Variants in CDH18 observed in about 807,000 individuals in gnomAD.
CDH18 encodes the protein cadherin 18.
In CDH18, 31 loss-of-function variants were observed where a neutral mutation model predicts 67.9. The ratio of observed to expected loss-of-function variants is 0.46; its 90% CI spans 0.34 to 0.62. The LOEUF is 0.62. Among genes scored for constraint, CDH18 ranks in the 20% least tolerant of loss-of-function variants. The probability of loss-of-function intolerance (pLI) is 0.01; values close to 1 mark genes in which losing one functional copy is unlikely to be tolerated. For missense variants in CDH18, 890 were observed against 975.5 expected (o/e 0.91, Z 1.17); for synonymous variants, 362 against 347.2 (o/e 1.04, Z -0.48).
chr5:20,389,183 A>C (rs556526833), intron 1 of CDH18, among the ~76,000 whole-genome samples: 1 of 152,118 alleles, frequency 6.6e-6, no homozygotes, highest in South Asian at 2.1e-4. Flanking sequence ...TTGTGTGGGC[A>C]TCTAAGTCTC....
chr5:19,571,259 G>A (rs1339700761), intron 8 of CDH18, among the ~76,000 whole-genome samples: 1 of 152,070 alleles, frequency 6.6e-6, no homozygotes, highest in Admixed American at 6.6e-5. Context: ...TATCATTAAG[G>A]GAGCAATAGA....
intron 2 of CDH18, among the ~76,000 whole-genome samples, chr5:20,018,140 C>T (rs1023338524): frequency 6.6e-6 from 1 of 152,092 alleles, no homozygotes; most frequent in Non-Finnish European, 1.5e-5. Flanking sequence ...CTTTTCATGT[C>T]TGAAACTAAG....
chr5:19,752,402 C>G (rs557292046), intron 3 of CDH18, among the ~76,000 whole-genome samples: 1 of 152,038 alleles, frequency 6.6e-6, no homozygotes, highest in Non-Finnish European at 1.5e-5. Flanking sequence ...CTGTGACTCC[C>G]GGCTCTCCCC....
intron 2 of CDH18, among the ~76,000 whole-genome samples, chr5:20,136,041 T>C (rs912347264): frequency 4.6e-5 from 7 of 152,170 alleles, no homozygotes; most frequent in African/African-American, 2.4e-5. Context: ...ATAAGTGCAA[T>C]GTGGTGCTGA....
chr5:20,144,279 TGCCTCTCTGCCATA>T (rs1750473424), intron 2 of CDH18, among the ~76,000 whole-genome samples: 1 of 152,016 alleles, frequency 6.6e-6, no homozygotes, highest in South Asian at 2.1e-4. Flanking sequence ...AGTACTGAGC[TGCCTCTCTGCCATA>T]GGATTAGCAA....
intron 2 of CDH18, among the ~76,000 whole-genome samples, chr5:20,163,053 G>A (rs1381562638): frequency 8.5e-6 from 1 of 117,914 alleles, no homozygotes. Context: ...GAGCAAAACT[G>A]TCTCTAAATA....
rs967879600 is a variant in CDH18, at chr5:19,763,657, C to A, written c.229-16421G>T. Among the ~76,000 whole-genome samples the A allele has an allele frequency of 2.0e-5, 3 of 152,002 alleles. No homozygotes were observed. In the East Asian group the frequency reaches 5.8e-4, roughly 29 times the overall value. ...CTTATGAACTTAGAGAACATTGACA[C>A]AAAGTTGGCATTTGGAGCAACGAAA... On this transcript the variant is annotated intron_variant, in intron 3 of 12. Transcript: ENST00000382275.
chr5:20,521,977 T>C (rs1027073773), intron 1 of CDH18, among the ~76,000 whole-genome samples: 2 of 152,206 alleles, frequency 1.3e-5, no homozygotes, highest in African/African-American at 4.8e-5. Context: ...TACCTCAATA[T>C]GTAATCGTGT....
At chr5:20,058,641 C>T (rs1057378293) in intron 2 of CDH18, among the ~76,000 whole-genome samples, 1 of 152,082 alleles carries the variant, frequency 6.6e-6, no homozygotes, top group African/African-American at 2.4e-5. Flanking sequence ...ATCAAACATA[C>T]CTCAAAAAAT....
chr5:20,410,703 T>G (rs4515303), intron 1 of CDH18, among the ~76,000 whole-genome samples: 83,605 of 151,116 alleles, frequency 0.55, 23,493 homozygotes, highest in Middle Eastern at 0.63. Context: ...AGAAAAAAAA[T>G]ATATAAAATT....
chr5:20,447,781 G>A (rs1041464114), intron 1 of CDH18, among the ~76,000 whole-genome samples: 2 of 152,020 alleles, frequency 1.3e-5, no homozygotes, highest in African/African-American at 2.4e-5. Flanking sequence ...ATGTGAAAAT[G>A]TTTTCCTTCC....
At chr5:19,710,767 A>G (rs1232676802) in intron 5 of CDH18, among the ~76,000 whole-genome samples, 2 of 152,254 alleles carry the variant, frequency 1.3e-5, no homozygotes, top group South Asian at 4.1e-4. Context: ...TTAGTTTTGT[A>G]GTTAAAGTTA....
chr5:20,061,825 C>A (rs1742511133), intron 2 of CDH18, among the ~76,000 whole-genome samples: 2 of 152,068 alleles, frequency 1.3e-5, no homozygotes, highest in Admixed American at 1.3e-4. Flanking sequence ...AAGTGAATGT[C>A]CCATTTATTC....
intron 1 of CDH18, among the ~76,000 whole-genome samples, chr5:20,459,695 C>G (rs922196195): frequency 6.6e-6 from 1 of 152,182 alleles, no homozygotes; most frequent in African/African-American, 2.4e-5. Flanking sequence ...TTTGTGCCAA[C>G]AGTTTGGTGA....
At chr5:20,230,138 C>T (rs1051097819) in intron 2 of CDH18, among the ~76,000 whole-genome samples, 1 of 152,106 alleles carries the variant, frequency 6.6e-6, no homozygotes, top group Non-Finnish European at 1.5e-5. Flanking sequence ...GTGCTCCATT[C>T]ATTAGGAATA....
intron 5 of CDH18, among the ~76,000 whole-genome samples, chr5:19,711,167 A>G (rs62351339): frequency 6.6e-6 from 1 of 152,000 alleles, no homozygotes; most frequent in East Asian, 1.9e-4. Flanking sequence ...GGACAAACTC[A>G]TCTAGACATT....
chr5:19,824,780 G>C (rs1343147480), intron 3 of CDH18, among the ~76,000 whole-genome samples: 1 of 152,116 alleles, frequency 6.6e-6, no homozygotes, highest in Non-Finnish European at 1.5e-5. Flanking sequence ...CCAGATGACA[G>C]AGAGGGTGAC....
intron 2 of CDH18, among the ~76,000 whole-genome samples, chr5:19,886,729 G>A (rs541709702): frequency 6.6e-6 from 1 of 152,160 alleles, no homozygotes; most frequent in Non-Finnish European, 1.5e-5. Flanking sequence ...ATCACATCCA[G>A]CTCAAGAATT....
intron 2 of CDH18, among the ~76,000 whole-genome samples, chr5:20,140,231 C>G (rs911861324): frequency 1.3e-5 from 2 of 152,092 alleles, no homozygotes; most frequent in Non-Finnish European, 2.9e-5. Flanking sequence ...GAAAACCAAA[C>G]ACTACATGTT....
Sources: allele counts gnomAD v4.1 joint callset (sites outside exome capture counted in the v4.1 genomes callset), GRCh38; gene constraint gnomAD v4.1.1; transcripts MANE v1.5; gene names NCBI Gene and HGNC (gene_info 2026-07-23, HGNC 2026-07-21).